Variants in MAGI1 observed in about 807,000 individuals in gnomAD.
The protein encoded by MAGI1 is membrane-associated guanylate kinase, WW and PDZ domain-containing protein 1.
MAGI1 carries 58 observed loss-of-function variants against 139.9 expected under a neutral mutation model. The observed-to-expected ratio is 0.41, with a 90% CI of 0.34 to 0.52. MAGI1 has a LOEUF of 0.52. MAGI1 is among the 20% of genes least tolerant of loss of function. The pLI, the probability that MAGI1 is intolerant of heterozygous loss-of-function variation, is 0.12. For missense variants in MAGI1, 1,874 were observed against 1,901.6 expected, an observed-to-expected ratio of 0.99 and a Z score of 0.27; for synonymous variants, 812 against 737.9, an observed-to-expected ratio of 1.10 and a Z score of -1.63.
At chr3:65,941,760 A>C (rs1170161438) in intron 1 of MAGI1, among the ~76,000 whole-genome samples, 1 of 152,208 alleles carries the variant, frequency 6.6e-6, no homozygotes, top group Admixed American at 6.5e-5. Flanking sequence ...GCTTTCAGGC[A>C]TTAAAGGAAA....
chr3:65,906,111 C>T (rs2061423331), intron 1 of MAGI1, among the ~76,000 whole-genome samples: 1 of 152,098 alleles, frequency 6.6e-6, no homozygotes, highest in South Asian at 2.1e-4. Flanking sequence ...ATTCTTCTCC[C>T]TGAAAATATA....
chr3:65,557,558 T>TA (rs2080145523), intron 2 of MAGI1, among the ~76,000 whole-genome samples: 1 of 152,238 alleles, frequency 6.6e-6, no homozygotes, highest in African/African-American at 2.4e-5. Context: ...AGTAAGCAAT[T>TA]ACCTTAAAAC....
chr3:65,790,008 C>T (rs947613376), intron 1 of MAGI1, among the ~76,000 whole-genome samples: 10 of 152,270 alleles, frequency 6.6e-5, no homozygotes, highest in Non-Finnish European at 1.5e-4. Context: ...TGATTATTAA[C>T]GTATTAAATG....
At chr3:65,574,586 T>G (rs1464735524) in intron 2 of MAGI1, among the ~76,000 whole-genome samples, 1 of 152,008 alleles carries the variant, frequency 6.6e-6, no homozygotes, top group Admixed American at 6.6e-5. Context: ...CTACCATACG[T>G]TTTGTCAAAA....
intron 2 of MAGI1, among the ~76,000 whole-genome samples, chr3:65,523,305 G>T (rs2078242640): frequency 6.6e-6 from 1 of 152,086 alleles, no homozygotes; most frequent in Non-Finnish European, 1.5e-5. Context: ...CCATGCTCTA[G>T]TTTACACAAC....
intron 2 of MAGI1, among the ~76,000 whole-genome samples, chr3:65,531,158 C>CA (rs879502017): frequency 2.2e-4 from 33 of 148,804 alleles, no homozygotes; most frequent in Middle Eastern, 3.5e-3. Context: ...TCTCAGGACA[C>CA]AAAAAAAAAA....
rs140192519 is a variant in MAGI1 at position 65,548,212 on chromosome 3, C to G, written c.431-54581G>C. 3.3e-3 allele frequency among the ~76,000 whole-genome samples: 505 copies of G among 152,308 alleles called. 2 individuals are homozygous for G. Among genetic ancestry groups the G allele is most frequent in the African/African-American group, 0.012 (485 of 41,574 alleles). On this transcript the variant is annotated intron_variant, in intron 2 of 22. Transcript: ENST00000402939. The stretch of plus-strand genomic sequence containing the variant: ...TTCCTGTGAGTGAGCAGGGAAGCCA[C>G]AGAAACTAGAGCCATGGGGTATTGG...
intron 1 of MAGI1, among the ~76,000 whole-genome samples, chr3:65,905,391 G>A (rs1189007165): frequency 6.6e-6 from 1 of 151,050 alleles, no homozygotes; most frequent in Non-Finnish European, 1.5e-5. Context: ...CTTAGCCTGG[G>A]CAACCTAGTG....
At chr3:65,887,197 C>T (rs1202040966) in intron 1 of MAGI1, among the ~76,000 whole-genome samples, 1 of 151,802 alleles carries the variant, frequency 6.6e-6, no homozygotes, top group Admixed American at 6.6e-5. Flanking sequence ...AAATATATCC[C>T]AAACTGGTTG....
intron 3 of MAGI1, among the ~76,000 whole-genome samples, chr3:65,481,465 T>C (rs935926360): frequency 5.3e-5 from 8 of 152,216 alleles, no homozygotes; most frequent in African/African-American, 1.7e-4. Flanking sequence ...AAAAATAATC[T>C]GCATAGTGAG....
At chr3:65,434,550 C>G (rs1242011580) in intron 10 of MAGI1, among the ~76,000 whole-genome samples, 1 of 152,058 alleles carries the variant, frequency 6.6e-6, no homozygotes, top group African/African-American at 2.4e-5. Context: ...ACAATCTAAC[C>G]AAATTAGCTA....
intron 2 of MAGI1, among the ~76,000 whole-genome samples, chr3:65,616,494 T>C (rs975285585): frequency 2.0e-5 from 3 of 151,952 alleles, no homozygotes; most frequent in African/African-American, 7.3e-5. Context: ...GAGAAAGGGA[T>C]AGAGAGAGAT....
chr3:65,393,190 G>A (rs1414671060), intron 13 of MAGI1, among the ~76,000 whole-genome samples: 1 of 152,160 alleles, frequency 6.6e-6, no homozygotes, highest in Non-Finnish European at 1.5e-5. Context: ...CAGGGCCAGA[G>A]TGAGAAAATG....
chr3:65,439,791 G>C, intron 9 of MAGI1, 88 bp downstream of exon 9: 1 of 1,591,974 alleles, frequency 6.3e-7, no homozygotes, highest in Admixed American at 1.7e-5. Context: ...AATCATCGAG[G>C]CCAGTTCTGA....
chr3:65,951,355 G>A (rs1287196978), intron 1 of MAGI1, among the ~76,000 whole-genome samples: 5 of 152,244 alleles, frequency 3.3e-5, no homozygotes, highest in Admixed American at 1.3e-4. Flanking sequence ...TGCTGTTAGT[G>A]GAAAACATTT....
chr3:65,693,236 C>T (rs141229946), intron 1 of MAGI1, among the ~76,000 whole-genome samples: 5 of 152,130 alleles, frequency 3.3e-5, no homozygotes, highest in African/African-American at 7.2e-5. Context: ...TGAATCACTG[C>T]GCCTGGCCAC....
At chr3:65,748,687 C>T (rs985184053) in intron 1 of MAGI1, among the ~76,000 whole-genome samples, 2 of 152,140 alleles carry the variant, frequency 1.3e-5, no homozygotes, top group Non-Finnish European at 2.9e-5. Context: ...AAACAGGCCA[C>T]ATTTATACAG....
At chr3:65,786,675 G>A (rs904640559) in intron 1 of MAGI1, among the ~76,000 whole-genome samples, 9 of 143,624 alleles carry the variant, frequency 6.3e-5, no homozygotes, top group African/African-American at 1.3e-4. Flanking sequence ...GCAGTGGCAC[G>A]ATCTCCGCTC....
chr3:65,669,471 T>A (rs1012358469), intron 1 of MAGI1, among the ~76,000 whole-genome samples: 5 of 152,176 alleles, frequency 3.3e-5, no homozygotes, highest in Admixed American at 6.5e-5. Flanking sequence ...GCAGATGTTA[T>A]CATCCTTTGG....
Sources: gnomAD v4.1 joint callset for allele counts (sites outside exome capture counted in the v4.1 genomes callset) on GRCh38, gnomAD v4.1.1 for gene constraint, MANE v1.5 for transcripts, NCBI Gene and HGNC (gene_info 2026-07-23, HGNC 2026-07-21) for gene names.